Variants in KAZN observed in about 807,000 individuals in gnomAD.
KAZN encodes kazrin, periplakin interacting protein, also known as kazrin.
KAZN carries 40 observed loss-of-function variants against 87.4 expected under a neutral mutation model. The ratio of observed to expected loss-of-function variants is 0.46; its 90% CI spans 0.36 to 0.60. The LOEUF (loss-of-function observed/expected upper bound fraction) is 0.60, where lower values mean the gene tolerates loss of function less well. KAZN is among the 20% of genes least tolerant of loss of function. The pLI, the probability that KAZN is intolerant of heterozygous loss-of-function variation, is 0.00. For missense variants in KAZN, 898 were observed against 1,073.9 expected (o/e 0.84, Z 2.29); for synonymous variants, 466 against 458.3 (o/e 1.02, Z -0.22).
rs192308928 is a variant in KAZN at position 13,921,711 on chromosome 1, C to T, written c.91+27955C>T. Among the ~76,000 whole-genome samples the T allele has an allele frequency of 1.4e-3, 216 of 152,098 alleles. 1 individual carries two copies. Among genetic ancestry groups the T allele is most frequent in the African/African-American group, 4.7e-3 (197 of 41,502 alleles). ...TGTGACCTTGGCTCACTGCAAGCTCCGCCTCCCGGGTTCATGCCATTCTCC... is the reference window on the plus strand; with the variant it reads ...TGTGACCTTGGCTCACTGCAAGCTCTGCCTCCCGGGTTCATGCCATTCTCC... On this transcript the variant is annotated intron_variant, in intron 1 of 16. Transcript: ENST00000636203.
chr1:14,125,651 A>C (rs1421285187), intron 1 of KAZN, among the ~76,000 whole-genome samples: 35 of 152,092 alleles, frequency 2.3e-4, no homozygotes, highest in Non-Finnish European at 2.9e-5. Context: ...CTGACACCTT[A>C]GTTTTCAACT....
At chr1:14,171,540 T>C (rs762790479) in intron 1 of KAZN, among the ~76,000 whole-genome samples, 10 of 152,206 alleles carry the variant, frequency 6.6e-5, no homozygotes, top group Non-Finnish European at 1.5e-4. Context: ...TGAGACCATA[T>C]TAAAGCAAGA....
intron 1 of KAZN, among the ~76,000 whole-genome samples, chr1:14,753,449 G>A (rs1644467560): frequency 6.6e-6 from 1 of 151,994 alleles, no homozygotes; most frequent in Non-Finnish European, 1.5e-5. Flanking sequence ...AGAGAGGCTG[G>A]GTGCATTGGG....
intron 1 of KAZN, among the ~76,000 whole-genome samples, chr1:14,857,428 G>A (rs1650266564): frequency 6.6e-6 from 1 of 152,128 alleles, no homozygotes; most frequent in African/African-American, 2.4e-5. Flanking sequence ...TGTGGTCCCA[G>A]CTACTCCTGA....
At chr1:14,870,367 G>A (rs1652004414) in intron 1 of KAZN, among the ~76,000 whole-genome samples, 1 of 152,166 alleles carries the variant, frequency 6.6e-6, no homozygotes, top group South Asian at 2.1e-4. Flanking sequence ...TATTGAGACA[G>A]AGTTTTGCTC....
intron 1 of KAZN, among the ~76,000 whole-genome samples, chr1:14,933,506 C>T (rs1350068872): frequency 2.0e-5 from 3 of 151,740 alleles, no homozygotes; most frequent in African/African-American, 4.9e-5. Flanking sequence ...CTCACACTTC[C>T]CTTAGCCCTT....
chr1:14,354,679 CACACACACAA>C (rs1451454909), intron 2 of KAZN, among the ~76,000 whole-genome samples: 1 of 151,066 alleles, frequency 6.6e-6, no homozygotes, highest in Non-Finnish European at 1.5e-5. Flanking sequence ...CACACACACA[CACACACACAA>C]ACAAACCTGA....
intron 1 of KAZN, among the ~76,000 whole-genome samples, chr1:14,914,904 A>C (rs1281947549): frequency 5.4e-5 from 7 of 129,670 alleles, no homozygotes; most frequent in Admixed American, 3.1e-4. Flanking sequence ...AAATGAGCTA[A>C]TATTGGCCAG....
chr1:15,054,508 T>TGG (rs986794869), intron 4 of KAZN, among the ~76,000 whole-genome samples: 1 of 151,938 alleles, frequency 6.6e-6, no homozygotes, highest in African/African-American at 2.4e-5. Context: ...AAAAATTAGC[T>TGG]GGGCATGGTG....
In KAZN at chr1:14,371,532, C is replaced by T; in HGVS notation, c.249+190940C>T. Among the ~76,000 whole-genome samples the T allele has an allele frequency of 1.3e-5, 2 of 152,016 alleles. 1 individual carries two copies. Among genetic ancestry groups the T allele is most frequent in the East Asian group, 3.9e-4 (2 of 5,182 alleles). ...GGAAAAGGGTGGTCCCAGGGAGCCC[C>T]AAAAGCATCTCAGTCCCTGGGAGAG... On this transcript the variant is annotated intron_variant, in intron 2 of 16. Transcript: ENST00000636203.
intron 2 of KAZN, among the ~76,000 whole-genome samples, chr1:14,490,372 C>T (rs1366760642): frequency 2.0e-5 from 3 of 152,226 alleles, no homozygotes; most frequent in Non-Finnish European, 2.9e-5. Context: ...GTACAACCCA[C>T]TCCATCACAT....
rs58028747 is a variant in KAZN, at chr1:14,035,113, C to T, written c.91+141357C>T. Among the ~76,000 whole-genome samples, 10 of 152,308 alleles carry T rather than the reference C, an allele frequency of 6.6e-5. No individual in the cohort carries two copies. In the East Asian group the frequency reaches 7.7e-4, roughly 12 times the overall value. On this transcript the variant is annotated intron_variant, in intron 1 of 16. Coordinates refer to the KAZN transcript ENST00000636203. ...TCTTTTGTTCATTCTATAGCAACATCGGGAGGCATAGCCTCATTGTCCTGT... is the reference window on the plus strand; with the variant it reads ...TCTTTTGTTCATTCTATAGCAACATTGGGAGGCATAGCCTCATTGTCCTGT...
upstream of KAZN, among the ~76,000 whole-genome samples, chr1:14,594,185 G>A (rs2486776): frequency 0.064 from 9,687 of 152,092 alleles, 1,053 homozygotes; most frequent in African/African-American, 0.22. Flanking sequence ...TACTCATTGC[G>A]CCCTCTTTTG....
intron 1 of KAZN, among the ~76,000 whole-genome samples, chr1:13,916,261 A>G (rs1639847557): frequency 6.6e-6 from 1 of 152,166 alleles, no homozygotes; most frequent in Admixed American, 6.5e-5. Flanking sequence ...CCCCAGAGAA[A>G]AGAAAGAATG....
intron 1 of KAZN, among the ~76,000 whole-genome samples, chr1:14,621,354 G>C (rs1678683200): frequency 6.6e-6 from 1 of 152,212 alleles, no homozygotes; most frequent in Non-Finnish European, 1.5e-5. Context: ...AATGCAGAAA[G>C]TATGTGTGTT....
intron 2 of KAZN, among the ~76,000 whole-genome samples, chr1:14,991,212 G>A (rs1667321102): frequency 6.6e-6 from 1 of 152,060 alleles, no homozygotes; most frequent in African/African-American, 2.4e-5. Context: ...AAATTATCCG[G>A]GCGTGGTGGT....
chr1:14,056,395 G>T (rs1001124854), intron 1 of KAZN, among the ~76,000 whole-genome samples: 1 of 152,166 alleles, frequency 6.6e-6, no homozygotes, highest in African/African-American at 2.4e-5. Flanking sequence ...GAGGGATGTG[G>T]ACCACAGGGC....
At chr1:14,894,743 T>A (rs1655080731) in intron 1 of KAZN, among the ~76,000 whole-genome samples, 1 of 152,268 alleles carries the variant, frequency 6.6e-6, no homozygotes, top group Admixed American at 6.5e-5. Flanking sequence ...AGTAAGTGAA[T>A]GGATGAATGA....
chr1:14,779,606 T>TTTA (rs1323469271), intron 1 of KAZN, among the ~76,000 whole-genome samples: 1 of 151,778 alleles, frequency 6.6e-6, no homozygotes, highest in African/African-American at 2.4e-5. Context: ...TGCTTTCTTC[T>TTTA]TTATTTCCTG....
Sources: gnomAD v4.1 joint callset for allele counts (sites outside exome capture counted in the v4.1 genomes callset) on GRCh38, gnomAD v4.1.1 for gene constraint, MANE v1.5 for transcripts, NCBI Gene and HGNC (gene_info 2026-07-23, HGNC 2026-07-21) for gene names.